The following SSH2 variants were observed in gnomAD, a reference collection of about 807,000 sequenced individuals.
SSH2 encodes the protein slingshot protein phosphatase 2, also known as protein phosphatase Slingshot homolog 2.
SSH2 carries 37 observed loss-of-function variants against 135.2 expected under a neutral mutation model. The ratio of observed to expected loss-of-function variants is 0.27; its 90% confidence interval spans 0.21 to 0.36. The LOEUF is 0.36. SSH2 is among the 10% of genes least tolerant of loss of function. The pLI, the probability that SSH2 is intolerant of heterozygous loss-of-function variation, is 1.00. For synonymous variants in SSH2, 628 were observed against 646.2 expected, an observed-to-expected ratio of 0.97 and a Z score of 0.43; for missense variants, 1,408 against 1,765.3, an observed-to-expected ratio of 0.80 and a Z score of 3.63.
intron 1 of SSH2, among the ~76,000 whole-genome samples, chr17:29,853,956 T>C (rs1323265934): frequency 6.6e-6 from 1 of 151,390 alleles, no homozygotes; most frequent in African/African-American, 2.4e-5. Context: ...AAAAAAAAAG[T>C]AATTAAAAAA....
intron 3 of SSH2, among the ~76,000 whole-genome samples, chr17:29,781,323 GATAAAAA>G (rs1567970308): frequency 6.6e-6 from 1 of 151,754 alleles, no homozygotes; most frequent in Non-Finnish European, 1.5e-5. Context: ...CTATCTCAAA[GATAAAAA>G]ATAAACAGAG....
intron 14 of SSH2, among the ~76,000 whole-genome samples, chr17:29,637,375 C>G (rs980400329): frequency 1.3e-5 from 2 of 152,158 alleles, no homozygotes; most frequent in Non-Finnish European, 2.9e-5. Flanking sequence ...CCCAGCTGAA[C>G]TGTAGATTTT....
At chr17:29,780,384 A>G (rs2041812643) in intron 3 of SSH2, 1 of 152,120 alleles carries the variant, frequency 6.6e-6, no homozygotes, top group Non-Finnish European at 1.5e-5. Flanking sequence ...CTCAGAAAAA[A>G]AGTTCCTTGT....
chr17:29,764,057 C>G (rs1417128355), intron 3 of SSH2, among the ~76,000 whole-genome samples: 6 of 151,222 alleles, frequency 4.0e-5, no homozygotes, highest in Admixed American at 2.0e-4. Flanking sequence ...TCAAGTGATT[C>G]TCGTGCCTCG....
intron 2 of SSH2, among the ~76,000 whole-genome samples, chr17:29,815,497 C>A (rs950208116): frequency 6.6e-6 from 1 of 151,792 alleles, no homozygotes; most frequent in Admixed American, 6.6e-5. Flanking sequence ...CTGACCTCAG[C>A]TGATCTGCCT....
At chr17:29,728,877 G>A (rs1479288280) in intron 3 of SSH2, among the ~76,000 whole-genome samples, 4 of 152,036 alleles carry the variant, frequency 2.6e-5, no homozygotes, top group African/African-American at 4.8e-5. Flanking sequence ...TCCATCTCTC[G>A]CCATATACAA....
chr17:29,856,539 C>T (rs2065666501), intron 1 of SSH2, among the ~76,000 whole-genome samples: 1 of 152,192 alleles, frequency 6.6e-6, no homozygotes, highest in Admixed American at 6.5e-5. Flanking sequence ...CCCACCACTG[C>T]ACTCCAGCTT....
chr17:29,926,973 A>G (rs749001106), intron 1 of SSH2, among the ~76,000 whole-genome samples: 8 of 152,232 alleles, frequency 5.3e-5, no homozygotes, highest in Non-Finnish European at 1.2e-4. Flanking sequence ...GGTTTGAATT[A>G]TAACTCCAGT....
chr17:29,846,733 G>C (rs1426113928), intron 2 of SSH2, among the ~76,000 whole-genome samples: 4 of 152,234 alleles, frequency 2.6e-5, no homozygotes, highest in Admixed American at 1.3e-4. Context: ...GAGGAAGCCA[G>C]CCTAAGTGCA....
intron 6 of SSH2, among the ~76,000 whole-genome samples, chr17:29,682,503 A>C (rs186993503): frequency 6.6e-6 from 1 of 152,224 alleles, no homozygotes; most frequent in Non-Finnish European, 1.5e-5. Flanking sequence ...AGACACGTGC[A>C]TGCTGTATGC....
At chr17:29,774,000 T>C (rs936011885) in intron 3 of SSH2, among the ~76,000 whole-genome samples, 2 of 152,228 alleles carry the variant, frequency 1.3e-5, no homozygotes, top group African/African-American at 4.8e-5. Flanking sequence ...CTTTCCATAG[T>C]GTCTGTTTCC....
At chr17:29,786,992 C>A (rs892483248) in intron 3 of SSH2, among the ~76,000 whole-genome samples, 2 of 152,186 alleles carry the variant, frequency 1.3e-5, no homozygotes, top group African/African-American at 4.8e-5. Context: ...GTAAAATAAA[C>A]ATAAAAATTT....
At position 29,630,794 on chromosome 17, in the gene SSH2, C is replaced by A; in HGVS notation, c.*47G>T. ...ATGTTCCTTACATATTACACCTGCCCCTTTTACAAACATTTCTTCTAGAAA... is the reference window on the plus strand; with the variant it reads ...ATGTTCCTTACATATTACACCTGCCACTTTTACAAACATTTCTTCTAGAAA... On this transcript the variant is annotated 3_prime_UTR_variant, in exon 16 of 16. Coordinates refer to ENST00000540801, the MANE Select transcript of SSH2 (RefSeq NM_001282129.2). 1 of 1,496,940 alleles carries A rather than the reference C, an allele frequency of 6.7e-7. No homozygotes were observed. The highest frequency in any genetic ancestry group is 2.3e-5 in the Admixed American group (1 of 43,958). The allele number at this position is 1,496,940 out of a possible 1,614,324, so 92.7% of individuals were successfully genotyped here.
chr17:29,761,283 C>T (rs1163343826), intron 3 of SSH2: 3 of 1,285,346 alleles, frequency 2.3e-6, no homozygotes, highest in Admixed American at 2.3e-5. Context: ...GTCATGGGGC[C>T]GGCTCAAAGT....
chr17:29,731,417 T>A (rs575746644), intron 3 of SSH2, among the ~76,000 whole-genome samples: 47 of 119,748 alleles, frequency 3.9e-4, no homozygotes, highest in Non-Finnish European at 5.7e-4. Flanking sequence ...CAGAAGTATT[T>A]TTTATTTATT....
intron 3 of SSH2, among the ~76,000 whole-genome samples, chr17:29,774,576 TAA>T (rs1353400726): frequency 2.0e-5 from 3 of 152,194 alleles, no homozygotes; most frequent in African/African-American, 7.2e-5. Flanking sequence ...ATTAATTTTT[TAA>T]AGTTTCCTGC....
chr17:29,795,492 G>T (rs1353404774), intron 2 of SSH2, among the ~76,000 whole-genome samples: 2 of 152,116 alleles, frequency 1.3e-5, no homozygotes, highest in African/African-American at 4.8e-5. Context: ...GGTTAGAAAG[G>T]TATGCCCTTT....
chr17:29,700,714 G>C (rs2038939021), intron 4 of SSH2, among the ~76,000 whole-genome samples: 1 of 152,130 alleles, frequency 6.6e-6, no homozygotes, highest in Non-Finnish European at 1.5e-5. Flanking sequence ...ACCATCACCA[G>C]ACAGTAGAAA....
At chr17:29,655,748 T>G (rs903979906) in intron 11 of SSH2, 141 bp from the exon 12 acceptor site, 32 of 663,844 alleles carry the variant, frequency 4.8e-5, no homozygotes, top group Middle Eastern at 6.5e-4. Flanking sequence ...GCACTTCATA[T>G]GTTATCACAT....
Sources: allele counts gnomAD v4.1 joint callset (sites outside exome capture counted in the v4.1 genomes callset), GRCh38; gene constraint gnomAD v4.1.1; transcripts MANE v1.5; gene names NCBI Gene and HGNC (gene_info 2026-07-23, HGNC 2026-07-21).